The following OR2T10 variants were observed in gnomAD, a reference collection of about 807,000 sequenced individuals.
OR2T10 encodes the protein olfactory receptor family 2 subfamily T member 10, also known as olfactory receptor 2T10.
For synonymous variants in OR2T10, 125 were observed against 141.8 expected (o/e 0.88, Z 0.84); for missense variants, 335 against 382.5 (o/e 0.88, Z 1.04).
chr1:248,593,349 T>C lies in OR2T10; in HGVS notation c.420A>G (p.Val140=), dbSNP rs764321029. 1.3e-6 allele frequency: 2 copies of C among 1,572,902 alleles called. No homozygotes were observed. Among genetic ancestry groups the C allele is most frequent in the South Asian group, 1.1e-5 (1 of 88,904 alleles). ...LRYSVLMSHR[V]CLLLASGCWF... is the part of the protein sequence containing the mutation. ...AGCAGCCTGATGCCAGGAGGAGACA[T>C]ACCCTATGGCTCATGAGCACAGAGT... Residue 140 remains valine (V), a synonymous_variant, in exon 2 of 2, where the codon GTA becomes GTG. Transcript: ENST00000642090.
rs1659982361 is a variant in OR2T10 at position 248,590,668 on chromosome 1, AT to A, written c.*2161del. The A allele has an allele frequency of 7.0e-6, 1 of 142,664 alleles. No individual in the cohort carries two copies. Among genetic ancestry groups the A allele is most frequent in the Non-Finnish European group, 1.5e-5 (1 of 66,114 alleles). 8.8% of individuals were successfully genotyped at this position (142,664 alleles called of 1,614,324 possible). On this transcript the variant is annotated 3_prime_UTR_variant, in exon 2 of 2. Coordinates refer to ENST00000642090, the MANE Select transcript of OR2T10 (RefSeq NM_001004693.2). Reference sequence around the variant, plus strand: ...CCCATCTGTTTCACGTCTCTTTTTCATTCTTTCGTTGCTTCTTTTAGAAATA... The same window carrying A: ...CCCATCTGTTTCACGTCTCTTTTTCATCTTTCGTTGCTTCTTTTAGAAATA...
Position 248,597,476 on chromosome 1 carries a change from A to G in OR2T10, c.-29+16T>C, listed in dbSNP as rs1244656585. The G allele has an allele frequency of 7.0e-6, 1 of 143,178 alleles. No homozygotes were observed. Among genetic ancestry groups the G allele is most frequent in the East Asian group, 2.0e-4 (1 of 4,992 alleles). 8.9% of individuals were successfully genotyped at this position (143,178 alleles called of 1,614,324 possible). Reference sequence around the variant, plus strand: ...TATTATTAAAAGTTAATAACAATAAATTATTCCTTTCTTACTGGAACAAAG... The same window carrying G: ...TATTATTAAAAGTTAATAACAATAAGTTATTCCTTTCTTACTGGAACAAAG... On this transcript the variant is annotated intron_variant, in intron 1 of 1. Transcript: ENST00000642090.
chr1:248,596,642 C>G (rs913352835), intron 1 of OR2T10, among the ~76,000 whole-genome samples: 1 of 143,630 alleles, frequency 7.0e-6, no homozygotes, highest in Non-Finnish European at 1.5e-5. Context: ...GGCAAAAGAA[C>G]AGCAATTAGG....
At chr1:248,596,718 A>G (rs1409978439) in intron 1 of OR2T10, among the ~76,000 whole-genome samples, 2 of 143,902 alleles carry the variant, frequency 1.4e-5, no homozygotes, top group Non-Finnish European at 3.0e-5. Context: ...CCTTTATGAC[A>G]AAGCAAGCAA....
chr1:248,595,214 A>C (rs541849012), intron 1 of OR2T10, among the ~76,000 whole-genome samples: 2 of 143,330 alleles, frequency 1.4e-5, no homozygotes, highest in South Asian at 2.2e-4. Context: ...CATTATTATT[A>C]TTCTCTACTT....
rs1659986357 is a variant in OR2T10, at chr1:248,590,853, T to G, written c.*1977A>C. On this transcript the variant is annotated 3_prime_UTR_variant, in exon 2 of 2. Transcript: ENST00000642090. ...CATGATTTTTCATACATTTAAGTTTTGCACAAATCTAAACTGTATATTACA... is the reference window on the plus strand; with the variant it reads ...CATGATTTTTCATACATTTAAGTTTGGCACAAATCTAAACTGTATATTACA... 7.1e-6 allele frequency: 1 copy of G among 140,064 alleles called. No homozygotes were observed. Among genetic ancestry groups the G allele is most frequent in the Admixed American group, 6.9e-5 (1 of 14,588 alleles). The allele number at this position is 140,064 out of a possible 1,614,324, so 8.7% of individuals were successfully genotyped here. A position where few individuals can be genotyped will look rare whatever the true frequency, so the allele number is the denominator to read the frequency against.
rs1279339697 is a variant in OR2T10, at chr1:248,592,101, A to G, written c.*729T>C. ...TGAATAAACCAATTATACTCCAAAC[A>G]TGTTGTAGCCCATGTCTACTGGATA... is the stretch of plus-strand genomic sequence containing the variant. On this transcript the variant is annotated 3_prime_UTR_variant, in exon 2 of 2. Transcript: ENST00000642090. 1 of 143,782 alleles carries G rather than the reference A, an allele frequency of 7.0e-6. No individual in the cohort carries two copies. The highest frequency in any genetic ancestry group is 1.5e-5 in the Non-Finnish European group (1 of 66,384). 8.9% of individuals were successfully genotyped at this position (143,782 alleles called of 1,614,324 possible). A position where few individuals can be genotyped will look rare whatever the true frequency, so the allele number is the denominator to read the frequency against.
chr1:248,594,252 G>C (rs558766972), intron 1 of OR2T10, among the ~76,000 whole-genome samples: 1 of 142,876 alleles, frequency 7.0e-6, no homozygotes, highest in East Asian at 2.0e-4. Context: ...CTTAAATCTC[G>C]TTACAAATCT....
At position 248,595,748 on chromosome 1, in the gene OR2T10, A is replaced by G. The variant is rs147063043; in HGVS notation, c.-29+1744T>C. 7.5e-3 allele frequency among the ~76,000 whole-genome samples: 1,063 copies of G among 140,954 alleles called. 200 individuals carry two copies. Among genetic ancestry groups the G allele is most frequent in the African/African-American group, 0.029 (1,028 of 35,302 alleles). 92.5% of individuals were successfully genotyped at this position (140,954 alleles called of 152,430 possible). A position where few individuals can be genotyped will look rare whatever the true frequency, so the allele number is the denominator to read the frequency against. On this transcript the variant is annotated intron_variant, in intron 1 of 1. Transcript: ENST00000642090. Reference sequence around the variant, plus strand: ...TCTAAGTATAAAGGCAAAATAAATAATTCCCAATAAACTTCAAAAATTCAG... The same window carrying G: ...TCTAAGTATAAAGGCAAAATAAATAGTTCCCAATAAACTTCAAAAATTCAG...
chr1:248,597,055 A>G (rs1247708870), intron 1 of OR2T10, among the ~76,000 whole-genome samples: 2 of 143,980 alleles, frequency 1.4e-5, no homozygotes, highest in Non-Finnish European at 3.0e-5. Context: ...AATTTAAGTC[A>G]GATTTGCCTG....
Position 248,591,770 on chromosome 1 carries a change from C to CT in OR2T10, c.*1059dup, listed in dbSNP as rs1660003001. The CT allele has an allele frequency of 7.0e-6, 1 of 143,650 alleles. No individual in the cohort carries two copies. Among genetic ancestry groups the CT allele is most frequent in the Non-Finnish European group, 1.5e-5 (1 of 66,290 alleles). 8.9% of individuals were successfully genotyped at this position (143,650 alleles called of 1,614,324 possible). A position where few individuals can be genotyped will look rare whatever the true frequency, so the allele number is the denominator to read the frequency against. ...CCTGGGCTTAAATCCCTGTTGAGCA[C>CT]TTTATAAGCTGCACACCCTTTTGTT... On this transcript the variant is annotated 3_prime_UTR_variant, in exon 2 of 2. Transcript: ENST00000642090.
At position 248,592,317 on chromosome 1, in the gene OR2T10, G is replaced by A. The variant is rs1449515352; in HGVS notation, c.*513C>T. 6.9e-6 allele frequency: 1 copy of A among 144,966 alleles called. No homozygotes were observed. The highest frequency in any genetic ancestry group is 2.7e-5 in the African/African-American group (1 of 36,610). 9.0% of individuals were successfully genotyped at this position (144,966 alleles called of 1,614,324 possible). A position where few individuals can be genotyped will look rare whatever the true frequency, so the allele number is the denominator to read the frequency against. The stretch of plus-strand genomic sequence containing the variant: ...ATGAATGAACCCCCTTGTCCCTGAG[G>A]ATCCCCTGCTTGGGGCAAGTCAGGG... On this transcript the variant is annotated 3_prime_UTR_variant, in exon 2 of 2. Coordinates refer to ENST00000642090, the MANE Select transcript of OR2T10 (RefSeq NM_001004693.2).
rs1289342636 is a variant in OR2T10 at position 248,593,006 on chromosome 1, C to G, written c.763G>C (p.Ala255Pro). The change falls in exon 2 of 2, where the codon GCT becomes CCT. Residue 255 changes from alanine to proline, a missense_variant. Ala to Pro is a conservative substitution (Grantham distance 27, BLOSUM62 -1). Coordinates refer to ENST00000642090, the MANE Select transcript of OR2T10 (RefSeq NM_001004693.2). Reference protein sequence around the residue: ...ITVVSLFYGAAIYNYMLPSSY... With the variant: ...ITVVSLFYGAPIYNYMLPSSY... The stretch of plus-strand genomic sequence containing the variant: ...CTGGGGAGCATGTAGTTGTAAATAG[C>G]AGCTCCATAGAAGAGGCTGACCACT... 3.2e-6 allele frequency: 5 copies of G among 1,572,588 alleles called. 1 individual carries two copies. The highest frequency in any genetic ancestry group is 2.3e-5 in the South Asian group (2 of 88,850).
Position 248,593,195 on chromosome 1 carries a change from T to G in OR2T10, c.574A>C (p.Thr192Pro). Reference sequence around the variant, plus strand: ...TACATGAAAATCTTGTAAAGTGAGGTGTCTGAGCAAGAGAGCTTCAAAACA... The same window carrying G: ...TACATGAAAATCTTGTAAAGTGAGGGGTCTGAGCAAGAGAGCTTCAAAACA... ...PAVLKLSCSD[T>P]SLYKIFMYLC... Residue 192 changes from threonine (T) to proline (P), a missense_variant, in exon 2 of 2, where the codon ACC (threonine) becomes CCC (proline). Thr to Pro is a conservative substitution (Grantham distance 38). Coordinates refer to ENST00000642090, the MANE Select transcript of OR2T10 (RefSeq NM_001004693.2). The G allele has an allele frequency of 6.4e-7, 1 of 1,572,354 alleles. No homozygotes were observed. Among genetic ancestry groups the G allele is most frequent in the Non-Finnish European group, 8.6e-7 (1 of 1,156,298 alleles).
rs1244721799 is a variant in OR2T10 at position 248,591,684 on chromosome 1, CCA to C, written c.*1144_*1145del. On this transcript the variant is annotated 3_prime_UTR_variant, in exon 2 of 2. Coordinates refer to ENST00000642090, the MANE Select transcript of OR2T10 (RefSeq NM_001004693.2). ...GAGAGGCAATGCAGTGTGGAAAAGG[CCA>C]CAGACTCCACAAGACGTGGCACATG... 2.1e-5 allele frequency: 3 copies of C among 144,030 alleles called. 1 individual carries two copies. Among genetic ancestry groups the C allele is most frequent in the Non-Finnish European group, 4.5e-5 (3 of 66,380 alleles). The allele number at this position is 144,030 out of a possible 1,614,324, so 8.9% of individuals were successfully genotyped here. A position where few individuals can be genotyped will look rare whatever the true frequency, so the allele number is the denominator to read the frequency against.
Position 248,593,261 on chromosome 1 carries a change from T to A in OR2T10, c.508A>T (p.Arg170Ter), listed in dbSNP as rs1558163145. 1 of 1,573,788 alleles carries A rather than the reference T, an allele frequency of 6.4e-7. No individual in the cohort carries two copies. Among genetic ancestry groups the A allele is most frequent in the Non-Finnish European group, 8.6e-7 (1 of 1,157,130 alleles). ...AAGAAGTGCTGAATCTCATGGGATC[T>A]GCAGAAGGGGAAGCTCATGGCGATG... is the stretch of plus-strand genomic sequence containing the variant. ...TPIAMSFPFC[R>*]SHEIQHFFCE... The change falls in exon 2 of 2, where the codon AGA (arginine) becomes TGA (stop). Residue 170 changes from arginine (R) to a stop codon, truncating the protein, a stop_gained. Transcript: ENST00000642090. LOFTEE classifies it low-confidence loss of function (END_TRUNC).
At chr1:248,593,882 T>C in intron 1 of OR2T10, 86 bp from the exon 2 acceptor site, 1 of 600,220 alleles carries the variant, frequency 1.7e-6, no homozygotes, top group African/African-American at 2.1e-5. Context: ...TAAAAATCAA[T>C]GTGAAAATCA....
chr1:248,596,611 C>G (rs1416741651), intron 1 of OR2T10, among the ~76,000 whole-genome samples: 1 of 143,554 alleles, frequency 7.0e-6, no homozygotes, highest in African/African-American at 2.7e-5. Context: ...ACAAATGACA[C>G]CAGCACAGAC....
chr1:248,592,471 G>T lies in OR2T10; in HGVS notation c.*359C>A, dbSNP rs74571884. ...CAGAGTGGATGCTGAGGAACACTCT[G>T]AATATGGTGTTATTTCATACTCATC... On this transcript the variant is annotated 3_prime_UTR_variant, in exon 2 of 2. Transcript: ENST00000642090. 0.01 allele frequency: 1,772 copies of T among 171,402 alleles called. 181 individuals carry two copies. The highest frequency in any genetic ancestry group is 0.029 in the Middle Eastern group (11 of 382). The allele number at this position is 171,402 out of a possible 1,614,324, so 10.6% of individuals were successfully genotyped here.
Sources: gnomAD v4.1 joint callset for allele counts (sites outside exome capture counted in the v4.1 genomes callset) on GRCh38, gnomAD v4.1.1 for gene constraint, MANE v1.5 for transcripts, NCBI Gene and HGNC (gene_info 2026-07-23, HGNC 2026-07-21) for gene names.